The following CUBN variants were observed in gnomAD, a reference collection of about 807,000 sequenced individuals.
CUBN encodes the protein cubilin.
A neutral mutation model predicts 405.3 loss-of-function variants in CUBN; 282 were observed. The observed-to-expected ratio is 0.70, with a 90% CI of 0.63 to 0.77. The LOEUF (loss-of-function observed/expected upper bound fraction) is 0.77, where lower values mean the gene tolerates loss of function less well. Among genes scored for constraint, CUBN ranks in the 30% least tolerant of loss-of-function variants. The pLI is 0.00. For synonymous variants in CUBN, 1,684 were observed against 1,617.0 expected (o/e 1.04, Z -0.99); for missense variants, 4,514 against 4,475.2 (o/e 1.01, Z -0.25).
At chr10:16,954,831 C>A (rs1843007925) in intron 31 of CUBN, among the ~76,000 whole-genome samples, 1 of 152,120 alleles carries the variant, frequency 6.6e-6, no homozygotes, top group African/African-American at 2.4e-5. Flanking sequence ...TTCCCAACCC[C>A]AGTGTAGTCA....
rs778837015 is a variant in CUBN, at chr10:17,045,030, T to C, written c.3649A>G (p.Asn1217Asp). The C allele has an allele frequency of 7.4e-6, 12 of 1,613,906 alleles. No homozygotes were observed. In the Admixed American group the frequency reaches 1.0e-4, roughly 13 times the overall value. Reference sequence around the variant, plus strand: ...ACAGCCAGGTAATCTAAAGTGCAGTTTGGATGATGCTCCAAGTGAAAGTCT... The same window carrying C: ...ACAGCCAGGTAATCTAAAGTGCAGTCTGGATGATGCTCCAAGTGAAAGTCT... ...FKDFHLEHHP[N>D]CTLDYLAVYD... The change falls in exon 25 of 67, where the codon AAC (asparagine) becomes GAC (aspartate). Residue 1217 changes from asparagine (N) to aspartate (D), a missense_variant. Around this residue, in one of 5 missense-constraint regions of CUBN, gnomAD observed 242 missense variants for 309.0 expected, o/e 0.78. Coordinates refer to ENST00000377833, the MANE Select transcript of CUBN (RefSeq NM_001081.4).
intron 31 of CUBN, among the ~76,000 whole-genome samples, chr10:16,966,902 C>T (rs1707273): frequency 0.35 from 52,488 of 151,940 alleles, 9,253 homozygotes; most frequent in Middle Eastern, 0.45. Flanking sequence ...TTTTGAGGAT[C>T]GAGAGTCCAT....
intron 31 of CUBN, among the ~76,000 whole-genome samples, chr10:16,979,795 G>A (rs534888229): frequency 1.3e-5 from 2 of 152,292 alleles, no homozygotes; most frequent in Non-Finnish European, 2.9e-5. Flanking sequence ...AAGACTTCAT[G>A]ATTTAAACAC....
chr10:16,910,843 C>T (rs1374653701), intron 48 of CUBN, among the ~76,000 whole-genome samples: 1 of 151,922 alleles, frequency 6.6e-6, no homozygotes. Flanking sequence ...AAGATAATTT[C>T]AGGTATACCA....
Position 16,984,175 on chromosome 10 carries a change from T to G in CUBN, c.4455A>C (p.Ala1485=). The change falls in exon 30 of 67, where the codon GCA becomes GCC. Residue 1485 remains alanine (A), a synonymous_variant. Transcript: ENST00000377833. ...MQVSSTGNEL[A]IRFKTDLSIN... is the part of the protein sequence containing the mutation. ...TGGACAAGTCGGTCTTGAATCGAAT[T>G]GCTAGCTCATTTCCAGTGCTGGAGA... is the stretch of plus-strand genomic sequence containing the variant. The G allele has an allele frequency of 6.2e-7, 1 of 1,614,200 alleles. No homozygotes were observed. Among genetic ancestry groups the G allele is most frequent in the Middle Eastern group, 1.6e-4 (1 of 6,062 alleles).
In CUBN at chr10:17,091,520, T is replaced by C. The variant is rs370928566; in HGVS notation, c.1766-3175A>G. 2.0e-5 allele frequency among the ~76,000 whole-genome samples: 3 copies of C among 152,220 alleles called. No homozygotes were observed. The South Asian group carries it at 6.2e-4, about 32-fold the overall frequency. Reference sequence around the variant, plus strand: ...TTCTATTCCATTAAAGAACTTCAAATAATAAATAAATAAAGAAGAAATAAT... The same window carrying C: ...TTCTATTCCATTAAAGAACTTCAAACAATAAATAAATAAAGAAGAAATAAT... On this transcript the variant is annotated intron_variant, in intron 14 of 66. Coordinates refer to ENST00000377833, the MANE Select transcript of CUBN (RefSeq NM_001081.4).
At chr10:16,891,866 G>A (rs1329383381) in intron 54 of CUBN, among the ~76,000 whole-genome samples, 1 of 152,004 alleles carries the variant, frequency 6.6e-6, no homozygotes, top group African/African-American at 2.4e-5. Flanking sequence ...TAGTGGGTAG[G>A]GGCCAGGACT....
intron 28 of CUBN, among the ~76,000 whole-genome samples, chr10:17,013,068 G>C (rs1303369250): frequency 2.0e-5 from 3 of 152,202 alleles, no homozygotes; most frequent in Admixed American, 2.0e-4. Flanking sequence ...GAGTGTTACA[G>C]AGTTACAGAG....
chr10:16,927,633 C>T (rs2131585503), intron 41 of CUBN, among the ~76,000 whole-genome samples: 1 of 152,264 alleles, frequency 6.6e-6, no homozygotes, highest in East Asian at 1.9e-4. Flanking sequence ...CTTCACATGT[C>T]AAGTTTGAAA....
At chr10:17,106,510 A>C (rs1423719365) in intron 10 of CUBN, among the ~76,000 whole-genome samples, 1 of 150,970 alleles carries the variant, frequency 6.6e-6, no homozygotes, top group Non-Finnish European at 1.5e-5. Flanking sequence ...AGGCAGGAGA[A>C]TCACTTCAAC....
intron 22 of CUBN, among the ~76,000 whole-genome samples, chr10:17,055,934 A>T (rs1418630973): frequency 6.6e-6 from 1 of 152,150 alleles, no homozygotes; most frequent in Non-Finnish European, 1.5e-5. Flanking sequence ...ATATGGAGAC[A>T]CAAAAAATCT....
chr10:16,873,117 G>A (rs1840406912), intron 58 of CUBN, among the ~76,000 whole-genome samples: 1 of 152,180 alleles, frequency 6.6e-6, no homozygotes, highest in Non-Finnish European at 1.5e-5. Flanking sequence ...TAGGTAGGTA[G>A]GTAGGTAGGT....
At chr10:17,049,838 T>G (rs1835223291) in intron 22 of CUBN, among the ~76,000 whole-genome samples, 1 of 152,194 alleles carries the variant, frequency 6.6e-6, no homozygotes, top group Non-Finnish European at 1.5e-5. Context: ...ATAATAAAAT[T>G]TTATGCAAAT....
At chr10:17,018,824 A>G (rs1588586377) in intron 28 of CUBN, among the ~76,000 whole-genome samples, 1 of 152,136 alleles carries the variant, frequency 6.6e-6, no homozygotes, top group East Asian at 1.9e-4. Context: ...CAGAGCGCTG[A>G]TTGGTGGGTT....
chr10:16,897,997 G>T (rs556232044), intron 54 of CUBN, among the ~76,000 whole-genome samples: 1 of 151,752 alleles, frequency 6.6e-6, no homozygotes, highest in South Asian at 2.1e-4. Context: ...CATTTCATGA[G>T]AAGAGAGTTC....
chr10:16,998,103 A>T (rs1833784318), intron 28 of CUBN, among the ~76,000 whole-genome samples: 1 of 152,172 alleles, frequency 6.6e-6, no homozygotes, highest in African/African-American at 2.4e-5. Context: ...AAAAGGAAGA[A>T]GAGGACAAAA....
At position 16,843,931 on chromosome 10, in the gene CUBN, G is replaced by A. The variant is rs372184534; in HGVS notation, c.9664-2884C>T. Reference sequence around the variant, plus strand: ...ATGGGAGTGTATCATGAGAACCCACGTGATGGAGACAGACATTTGGGTTGG... The same window carrying A: ...ATGGGAGTGTATCATGAGAACCCACATGATGGAGACAGACATTTGGGTTGG... On this transcript the variant is annotated intron_variant, in intron 60 of 66. Coordinates refer to ENST00000377833, the MANE Select transcript of CUBN (RefSeq NM_001081.4). Among the ~76,000 whole-genome samples, 5 of 152,208 alleles carry A rather than the reference G, an allele frequency of 3.3e-5. No individual in the cohort carries two copies. In the East Asian group the frequency reaches 5.8e-4, roughly 18 times the overall value.
At chr10:16,952,417 G>A (rs762624154) in intron 32 of CUBN, 28 bp from the exon 33 acceptor site, 2 of 1,257,050 alleles carry the variant, frequency 1.6e-6, no homozygotes, top group East Asian at 2.3e-5. Flanking sequence ...ACACATACAT[G>A]TCATATGCTT....
intron 8 of CUBN, among the ~76,000 whole-genome samples, chr10:17,112,108 G>C (rs904333701): frequency 1.9e-4 from 29 of 152,142 alleles, no homozygotes; most frequent in Admixed American, 1.6e-3. Flanking sequence ...GGTTCCCATT[G>C]TATTCAATGG....
Sources: gnomAD v4.1 joint callset for allele counts (sites outside exome capture counted in the v4.1 genomes callset) on GRCh38, gnomAD v4.1.1 for gene constraint, gnomAD v4.1.1 regional missense constraint, MANE v1.5 for transcripts, NCBI Gene and HGNC (gene_info 2026-07-23, HGNC 2026-07-21) for gene names.